The following AOPEP variants were observed in gnomAD, a reference collection of about 807,000 sequenced individuals.
AOPEP encodes the protein aminopeptidase O (putative).
AOPEP carries 77 observed loss-of-function variants against 98.1 expected under a neutral mutation model. The ratio of observed to expected loss-of-function variants is 0.78; its 90% CI spans 0.65 to 0.95. AOPEP has a LOEUF of 0.95. Among genes scored for constraint, AOPEP ranks in the 40% least tolerant of loss-of-function variants. AOPEP has a pLI of 0.00. For missense variants in AOPEP, 1,024 were observed against 1,024.7 expected, an observed-to-expected ratio of 1.00 and a Z score of 0.01; for synonymous variants, 346 against 365.3, an observed-to-expected ratio of 0.95 and a Z score of 0.60.
the AOPEP span, among the ~76,000 whole-genome samples, chr9:95,112,151 C>A: frequency 6.6e-6 from 1 of 152,248 alleles, no homozygotes; most frequent in Non-Finnish European, 1.5e-5. Context: ...GTTTGTGAAG[C>A]TATCCCCTCG....
intron 1 of AOPEP, among the ~76,000 whole-genome samples, chr9:94,732,371 G>A (rs1315575061): frequency 6.6e-6 from 1 of 151,942 alleles, no homozygotes; most frequent in Non-Finnish European, 1.5e-5. Context: ...ACAGATACAA[G>A]CTGATGTAGG....
At chr9:95,140,020 G>A in the AOPEP span, among the ~76,000 whole-genome samples, 1 of 151,696 alleles carries the variant, frequency 6.6e-6, no homozygotes, top group South Asian at 2.1e-4. Context: ...CATCCTGCCT[G>A]GAATTGACCA....
At chr9:94,887,731 C>G (rs760309491) in intron 5 of AOPEP, among the ~76,000 whole-genome samples, 6 of 152,226 alleles carry the variant, frequency 3.9e-5, no homozygotes, top group Non-Finnish European at 7.3e-5. Flanking sequence ...TCCTCTCTTT[C>G]CTGTCCACGG....
At chr9:94,740,953 C>CA (rs1468407412) in intron 1 of AOPEP, among the ~76,000 whole-genome samples, 1 of 152,164 alleles carries the variant, frequency 6.6e-6, no homozygotes, top group African/African-American at 2.4e-5. Flanking sequence ...ACTCAGTAAG[C>CA]ATCAGCTGTT....
At chr9:94,929,548 C>G (rs1359406169) in intron 7 of AOPEP, among the ~76,000 whole-genome samples, 1 of 152,282 alleles carries the variant, frequency 6.6e-6, no homozygotes, top group East Asian at 1.9e-4. Context: ...CCCAAGTTGA[C>G]TCATCCATTG....
At chr9:95,063,181 A>G (rs762371887) in intron 14 of AOPEP, among the ~76,000 whole-genome samples, 3 of 152,218 alleles carry the variant, frequency 2.0e-5, no homozygotes, top group South Asian at 2.1e-4. Flanking sequence ...GTTTTTGAGT[A>G]TATTTCTCAA....
chr9:94,800,951 G>A lies in AOPEP; in HGVS notation c.1313G>A (p.Arg438Gln), dbSNP rs749660820. The A allele has an allele frequency of 5.0e-6, 8 of 1,614,020 alleles. No individual in the cohort carries two copies. Among genetic ancestry groups the A allele is most frequent in the South Asian group, 2.2e-5 (2 of 91,080 alleles). The part of the protein sequence containing the change: ...HSVLGAHPFS[R>Q]LDVLIVPANF... The stretch of plus-strand genomic sequence containing the variant: ...GTTCTGGGAGCACACCCGTTCTCTC[G>A]GCTGGATGTTCTCATCGTCCCTGCC... Residue 438 changes from arginine to glutamine, a missense_variant, in exon 5 of 17, where the codon CGG (arginine) becomes CAG (glutamine). Around this residue, in one of 3 missense-constraint regions of AOPEP, gnomAD observed 566 missense variants for 551.7 expected, o/e 1.03. Coordinates refer to ENST00000375315, the MANE Select transcript of AOPEP (RefSeq NM_001193329.3).
At chr9:94,810,319 G>GTTT (rs528191737) in intron 5 of AOPEP, among the ~76,000 whole-genome samples, 3 of 140,544 alleles carry the variant, frequency 2.1e-5, no homozygotes, top group Non-Finnish European at 4.7e-5. Flanking sequence ...GGGTTTTTTT[G>GTTT]TTTTTTTTTT....
At chr9:95,007,398 A>T (rs2062115158) in intron 13 of AOPEP, among the ~76,000 whole-genome samples, 1 of 134,600 alleles carries the variant, frequency 7.4e-6, no homozygotes, top group African/African-American at 2.8e-5. Flanking sequence ...TGGGGGGGGG[A>T]CTGATTATTT....
intron 2 of AOPEP, among the ~76,000 whole-genome samples, chr9:94,771,956 C>A (rs1369273416): frequency 6.6e-6 from 1 of 152,154 alleles, no homozygotes; most frequent in African/African-American, 2.4e-5. Flanking sequence ...AGACTGGTTT[C>A]TCTTTTCCAT....
At chr9:94,910,417 TG>T (rs1435082617) in intron 5 of AOPEP, among the ~76,000 whole-genome samples, 1 of 152,234 alleles carries the variant, frequency 6.6e-6, no homozygotes, top group African/African-American at 2.4e-5. Flanking sequence ...GAGCGAGGAC[TG>T]GGTCTCGGGC....
intron 5 of AOPEP, among the ~76,000 whole-genome samples, chr9:94,821,172 G>T (rs199521580): frequency 7.2e-6 from 1 of 138,318 alleles, no homozygotes; most frequent in Non-Finnish European, 1.6e-5. Flanking sequence ...ATGCTTTTTT[G>T]GGCTTTTGGG....
At chr9:94,938,880 CA>C (rs1399315648) in intron 7 of AOPEP, among the ~76,000 whole-genome samples, 2 of 152,188 alleles carry the variant, frequency 1.3e-5, no homozygotes, top group Non-Finnish European at 2.9e-5. Flanking sequence ...GGAACAGAGG[CA>C]TAAGTTCGGA....
chr9:94,995,556 C>T (rs536681079), intron 11 of AOPEP, among the ~76,000 whole-genome samples: 7 of 152,272 alleles, frequency 4.6e-5, no homozygotes, highest in African/African-American at 1.7e-4. Flanking sequence ...CATGTAAAAA[C>T]AGCAACAGCA....
intron 1 of AOPEP, among the ~76,000 whole-genome samples, chr9:94,743,232 GGAAGAAGAAGAGGAAGAAGAGGAA>G: frequency 7.8e-6 from 1 of 128,380 alleles, no homozygotes; most frequent in Admixed American, 7.9e-5. Context: ...AAGAAGAAGA[GGAAGAAGAAGAGGAAGAAGAGGAA>G]GAAGAAGAAG....
intron 16 of AOPEP, among the ~76,000 whole-genome samples, chr9:95,084,850 C>T (rs985020278): frequency 6.6e-6 from 1 of 152,216 alleles, no homozygotes; most frequent in East Asian, 1.9e-4. Flanking sequence ...GGGGGACCTC[C>T]TGACTTGAGA....
At chr9:94,752,350 C>T (rs1258550796) in intron 1 of AOPEP, among the ~76,000 whole-genome samples, 2 of 142,676 alleles carry the variant, frequency 1.4e-5, no homozygotes, top group Non-Finnish European at 3.0e-5. Context: ...ACACAAGTCT[C>T]TCTCTCTCTC....
At chr9:94,751,888 CT>C (rs80060505) in intron 1 of AOPEP, among the ~76,000 whole-genome samples, 1,133 of 104,540 alleles carry the variant, frequency 0.011, 5 homozygotes, top group Middle Eastern at 0.029. Context: ...CCCATGAAAA[CT>C]TTTTTTTTTT....
At chr9:94,919,116 A>C (rs564364425) in intron 5 of AOPEP, among the ~76,000 whole-genome samples, 4 of 152,058 alleles carry the variant, frequency 2.6e-5, no homozygotes, top group Admixed American at 2.6e-4. Context: ...GGGTTTCACT[A>C]TGTTGGCCAG....
Sources: allele counts gnomAD v4.1 joint callset (sites outside exome capture counted in the v4.1 genomes callset), GRCh38; gene constraint gnomAD v4.1.1; regional missense constraint gnomAD v4.1.1; transcripts MANE v1.5; gene names NCBI Gene and HGNC (gene_info 2026-07-23, HGNC 2026-07-21).